Variants in C1orf141 observed in about 807,000 individuals in gnomAD.
The protein encoded by C1orf141 is uncharacterized protein C1orf141.
A neutral mutation model predicts 23.2 loss-of-function variants in C1orf141; 19 were observed. The observed-to-expected ratio is 0.82, with a 90% CI of 0.57 to 1.20. The LOEUF (loss-of-function observed/expected upper bound fraction) is 1.20. Among genes scored for constraint, C1orf141 ranks in the 50% most tolerant of loss-of-function variants. The pLI is 0.00. For synonymous variants in C1orf141, 153 were observed against 154.6 expected (o/e 0.99, Z 0.08); for missense variants, 469 against 455.1 (o/e 1.03, Z -0.28).
In C1orf141 at chr1:67,102,796, T is replaced by C. The variant is rs542434563; in HGVS notation, c.347-6475A>G. On this transcript the variant is annotated intron_variant, in intron 5 of 7. Transcript: ENST00000684719. ...TAGATGCATGGAACTGAATATCTGA[T>C]GACATTATAAAGCCCCTGAATGAGT... 3.9e-5 allele frequency: 6 copies of C among 152,354 alleles called. No individual in the cohort carries two copies. The East Asian group carries it at 1.2e-3, about 29-fold the overall frequency. 9.4% of individuals were successfully genotyped at this position (152,354 alleles called of 1,614,324 possible). A position where few individuals can be genotyped will look rare whatever the true frequency, so the allele number is the denominator to read the frequency against.
intron 4 of C1orf141, chr1:67,123,250 G>A (rs1008139431): frequency 2.0e-5 from 3 of 151,540 alleles, no homozygotes; most frequent in South Asian, 2.1e-4. Context: ...GCGCTTATGA[G>A]AGGAAAGCCA....
At chr1:67,127,750 T>G (rs1183029759) in intron 2 of C1orf141, among the ~76,000 whole-genome samples, 1 of 152,108 alleles carries the variant, frequency 6.6e-6, no homozygotes, top group East Asian at 1.9e-4. Flanking sequence ...TTTTCCTGCC[T>G]AAGCCTCCTG....
chr1:67,137,780 A>G (rs2102518269), upstream of C1orf141, among the ~76,000 whole-genome samples: 1 of 152,358 alleles, frequency 6.6e-6, no homozygotes, highest in South Asian at 2.1e-4. Flanking sequence ...TCTTTGGGCA[A>G]GAGAGTCTTT....
intron 4 of C1orf141, among the ~76,000 whole-genome samples, chr1:67,124,460 G>A (rs1209485472): frequency 1.3e-5 from 2 of 152,080 alleles, no homozygotes; most frequent in Non-Finnish European, 2.9e-5. Flanking sequence ...CTACAGGCAT[G>A]CACCACCAAG....
chr1:67,116,385 G>C (rs768123123), intron 4 of C1orf141, among the ~76,000 whole-genome samples: 2 of 151,560 alleles, frequency 1.3e-5, no homozygotes, highest in Non-Finnish European at 2.9e-5. Context: ...TTTCCTCATT[G>C]CTCCCAACCA....
At chr1:67,102,210 G>A (rs1645817353) in intron 5 of C1orf141, among the ~76,000 whole-genome samples, 1 of 151,950 alleles carries the variant, frequency 6.6e-6, no homozygotes, top group South Asian at 2.1e-4. Flanking sequence ...TGGATCCTTA[G>A]TAGTTACTGT....
intron 5 of C1orf141, among the ~76,000 whole-genome samples, 162 bp from the exon 6 acceptor site, chr1:67,096,483 G>T (rs944506640): frequency 1.3e-5 from 2 of 152,136 alleles, no homozygotes; most frequent in East Asian, 3.8e-4. Flanking sequence ...GAATGAACTA[G>T]ATAGAACTGG....
chr1:67,116,752 C>T (rs1185156818), intron 4 of C1orf141, among the ~76,000 whole-genome samples: 1 of 152,092 alleles, frequency 6.6e-6, no homozygotes, highest in East Asian at 1.9e-4. Flanking sequence ...GGAATTTAGG[C>T]TCCACTTAAG....
rs373136106 is a variant in C1orf141, at chr1:67,109,927, G to A, written c.346+5425C>T. On this transcript the variant is annotated intron_variant, in intron 5 of 7. Transcript: ENST00000684719. The stretch of plus-strand genomic sequence containing the variant: ...TGGCATTTTTTTAGTAATAGATAGA[G>A]AAAAAAGAGTCCATTGTTGTTAAAT... 1.3e-4 allele frequency among the ~76,000 whole-genome samples: 19 copies of A among 151,962 alleles called. No homozygotes were observed. The East Asian group carries it at 2.7e-3, about 22-fold the overall frequency.
intron 4 of C1orf141, chr1:67,121,597 GGAAGTGAT>G (rs1646300034): frequency 1.3e-5 from 2 of 151,712 alleles, no homozygotes; most frequent in Admixed American, 1.3e-4. Flanking sequence ...ACAATAATTA[GGAAGTGAT>G]GAGTTTTGAG....
intron 5 of C1orf141, among the ~76,000 whole-genome samples, chr1:67,109,998 G>A (rs966059837): frequency 6.6e-6 from 1 of 151,290 alleles, no homozygotes; most frequent in Non-Finnish European, 1.5e-5. Context: ...TACTTTGTTC[G>A]GTAATGATTA....
chr1:67,124,141 A>G (rs1646357345), intron 4 of C1orf141, among the ~76,000 whole-genome samples: 1 of 152,172 alleles, frequency 6.6e-6, no homozygotes, highest in South Asian at 2.1e-4. Context: ...TTCATCTGTA[A>G]AACTGCACTA....
intron 5 of C1orf141, among the ~76,000 whole-genome samples, chr1:67,112,909 G>C (rs1646106519): frequency 6.6e-6 from 1 of 152,184 alleles, no homozygotes; most frequent in African/African-American, 2.4e-5. Context: ...GGTGTGTCTA[G>C]GCAGAGGGGA....
At chr1:67,109,468 G>T (rs900196776) in intron 5 of C1orf141, among the ~76,000 whole-genome samples, 3 of 152,094 alleles carry the variant, frequency 2.0e-5, no homozygotes, top group African/African-American at 7.2e-5. Flanking sequence ...AGAAGTCACT[G>T]GGCTTCATGA....
rs747132228 is a variant in C1orf141 at position 67,096,304 on chromosome 1, G to T, written c.364C>A (p.Pro122Thr). Residue 122 changes from proline (P) to threonine (T), a missense_variant, in exon 6 of 8, where the codon CCT (proline) becomes ACT (threonine). Coordinates refer to ENST00000684719, the MANE Select transcript of C1orf141 (RefSeq NM_001276351.2). Reference protein sequence around the residue: ...SESTAQIEKKPRKPLDSVGLL... With the variant: ...SESTAQIEKKTRKPLDSVGLL... ...CCAACAGAATCCAATGGTTTCCTAG[G>T]TTTTTTTTCAATTTGAGCTGAAATT... The T allele has an allele frequency of 3.3e-6, 5 of 1,520,160 alleles. No individual in the cohort carries two copies. Among genetic ancestry groups the T allele is most frequent in the Non-Finnish European group, 3.6e-6 (4 of 1,119,122 alleles). 94.2% of individuals were successfully genotyped at this position (1,520,160 alleles called of 1,614,324 possible). A position where few individuals can be genotyped will look rare whatever the true frequency, so the allele number is the denominator to read the frequency against.
intron 5 of C1orf141, among the ~76,000 whole-genome samples, chr1:67,107,874 A>G (rs535445509): frequency 6.6e-6 from 1 of 152,282 alleles, no homozygotes; most frequent in African/African-American, 2.4e-5. Flanking sequence ...TTCTCTTAAT[A>G]AACTTCCTGC....
intron 5 of C1orf141, among the ~76,000 whole-genome samples, chr1:67,110,426 T>C (rs530090090): frequency 2.9e-4 from 44 of 152,254 alleles, no homozygotes; most frequent in African/African-American, 1.0e-3. Context: ...TGATTTTCAC[T>C]AGATAATGTT....
chr1:67,110,373 G>A (rs1268784917), intron 5 of C1orf141, among the ~76,000 whole-genome samples: 2 of 152,018 alleles, frequency 1.3e-5, no homozygotes, highest in Admixed American at 1.3e-4. Flanking sequence ...AGAGGAAAGT[G>A]GGGAGAGGCA....
At chr1:67,102,838 T>C (rs1186771741) in intron 5 of C1orf141, 4 of 152,868 alleles carry the variant, frequency 2.6e-5, no homozygotes, top group Non-Finnish European at 4.4e-5. Flanking sequence ...TGCAAAAGCC[T>C]TTCTGATGGA....
Sources: allele counts gnomAD v4.1 joint callset (sites outside exome capture counted in the v4.1 genomes callset), GRCh38; gene constraint gnomAD v4.1.1; transcripts MANE v1.5; gene names NCBI Gene and HGNC (gene_info 2026-07-23, HGNC 2026-07-21).